The following ZNF618 variants were observed in gnomAD, a reference collection of about 807,000 sequenced individuals.
ZNF618 encodes zinc finger protein 618.
Under a neutral mutation model 103.0 loss-of-function variants are expected in ZNF618, and 34 were observed. The observed-to-expected ratio is 0.33, with a 90% CI of 0.25 to 0.44. ZNF618 has a LOEUF of 0.44. Ranked by LOEUF, ZNF618 falls within the 20% of genes least tolerant of loss-of-function variation. The pLI is 1.00. For missense variants in ZNF618, 1,059 were observed against 1,295.4 expected, an observed-to-expected ratio of 0.82 and a Z score of 2.80; for synonymous variants, 551 against 542.2, an observed-to-expected ratio of 1.02 and a Z score of -0.23.
intron 1 of ZNF618, among the ~76,000 whole-genome samples, chr9:113,938,770 A>T (rs990160878): frequency 6.6e-6 from 1 of 151,724 alleles, no homozygotes; most frequent in African/African-American, 2.4e-5. Flanking sequence ...GGGTTTCATC[A>T]TGTTGGCCAG....
chr9:113,909,332 C>T (rs577576760), intron 1 of ZNF618, among the ~76,000 whole-genome samples: 14 of 152,102 alleles, frequency 9.2e-5, no homozygotes, highest in African/African-American at 3.1e-4. Flanking sequence ...TCCCTGTCCC[C>T]CTGGGTCTGG....
At chr9:113,943,888 A>C (rs1418119268) in intron 1 of ZNF618, among the ~76,000 whole-genome samples, 1 of 152,066 alleles carries the variant, frequency 6.6e-6, no homozygotes, top group Non-Finnish European at 1.5e-5. Context: ...ACTTTGGAGA[A>C]CTTTGCTCTT....
intron 1 of ZNF618, among the ~76,000 whole-genome samples, chr9:113,939,391 T>A (rs1834345523): frequency 1.3e-5 from 2 of 152,160 alleles, no homozygotes; most frequent in South Asian, 4.1e-4. Context: ...TGCCATATTT[T>A]ATTTGCTAAC....
chr9:113,978,257 A>G (rs1429865793), intron 2 of ZNF618, among the ~76,000 whole-genome samples: 1 of 152,226 alleles, frequency 6.6e-6, no homozygotes, highest in Non-Finnish European at 1.5e-5. Context: ...TCATTTGCGG[A>G]CACTGTGGTT....
intron 1 of ZNF618, among the ~76,000 whole-genome samples, chr9:113,914,431 A>T (rs376197598): frequency 3.3e-5 from 5 of 152,172 alleles, no homozygotes; most frequent in African/African-American, 9.7e-5. Context: ...CAGAGCCACT[A>T]AGCACTGAAG....
At chr9:113,906,293 TG>T (rs1358058378) in intron 1 of ZNF618, among the ~76,000 whole-genome samples, 1 of 152,182 alleles carries the variant, frequency 6.6e-6, no homozygotes, top group African/African-American at 2.4e-5. Flanking sequence ...AATATGAAAC[TG>T]CTTTGAGCTC....
At chr9:113,914,397 G>C (rs920600504) in intron 1 of ZNF618, among the ~76,000 whole-genome samples, 1 of 152,126 alleles carries the variant, frequency 6.6e-6, no homozygotes, top group Admixed American at 6.5e-5. Context: ...CCTCACGTGC[G>C]CTTCTCTGTA....
intron 2 of ZNF618, 145 bp from the exon 3 acceptor site, chr9:113,988,176 G>C: frequency 1.9e-6 from 2 of 1,063,384 alleles, no homozygotes; most frequent in Non-Finnish European, 2.6e-6. Context: ...GGTAGCCGTG[G>C]GGGTTGTGTG....
At chr9:113,999,679 C>T (rs1441613201) in intron 4 of ZNF618, among the ~76,000 whole-genome samples, 1 of 152,218 alleles carries the variant, frequency 6.6e-6, no homozygotes, top group Non-Finnish European at 1.5e-5. Flanking sequence ...GACTTGGGCC[C>T]CCCACTGCAG....
chr9:113,944,636 C>T (rs1205981290), intron 1 of ZNF618, among the ~76,000 whole-genome samples: 6 of 152,022 alleles, frequency 3.9e-5, no homozygotes, highest in South Asian at 2.1e-4. Flanking sequence ...TCATGCAAGC[C>T]GCATGTGTAA....
intron 13 of ZNF618, among the ~76,000 whole-genome samples, chr9:114,045,201 A>T (rs1345157428): frequency 1.3e-5 from 2 of 151,950 alleles, no homozygotes; most frequent in Non-Finnish European, 2.9e-5. Flanking sequence ...GAAAGTTTTT[A>T]ATTTTGAAGT....
At chr9:113,980,341 G>A (rs779186861) in intron 2 of ZNF618, among the ~76,000 whole-genome samples, 5 of 152,048 alleles carry the variant, frequency 3.3e-5, no homozygotes, top group African/African-American at 9.7e-5. Flanking sequence ...CCAGATGGAG[G>A]TTTCAAGCAG....
At chr9:114,048,527 G>A in intron 14 of ZNF618, 124 bp from the exon 15 acceptor site, 1 of 1,026,496 alleles carries the variant, frequency 9.7e-7, no homozygotes, top group Non-Finnish European at 1.4e-6. Flanking sequence ...CACCACCCAT[G>A]TGTGTGCAAG....
chr9:113,959,643 C>T (rs1009962476), intron 1 of ZNF618, among the ~76,000 whole-genome samples: 6 of 152,132 alleles, frequency 3.9e-5, no homozygotes, highest in African/African-American at 1.2e-4. Context: ...GTTTTGCTCT[C>T]GTTGCCCAAG....
chr9:114,007,782 G>A (rs1377187989), intron 7 of ZNF618, among the ~76,000 whole-genome samples: 1 of 152,116 alleles, frequency 6.6e-6, no homozygotes, highest in Non-Finnish European at 1.5e-5. Context: ...AACGAATGAT[G>A]GCCTTTTAGC....
chr9:113,975,532 C>T (rs909814863), intron 2 of ZNF618, among the ~76,000 whole-genome samples: 2 of 152,142 alleles, frequency 1.3e-5, no homozygotes, highest in East Asian at 3.9e-4. Context: ...TATTCCTAAT[C>T]CAGAAATCCA....
At chr9:113,921,940 T>A (rs1832687850) in intron 1 of ZNF618, among the ~76,000 whole-genome samples, 1 of 152,152 alleles carries the variant, frequency 6.6e-6, no homozygotes, top group African/African-American at 2.4e-5. Context: ...ATGTTCGCTG[T>A]TGAACAGTTA....
chr9:113,982,545 T>C (rs10817543), intron 2 of ZNF618, among the ~76,000 whole-genome samples: 86,367 of 152,006 alleles, frequency 0.57, 24,834 homozygotes, highest in Middle Eastern at 0.77. Context: ...TTCACTTAAT[T>C]ACATCTGCAA....
At chr9:114,044,419 T>G (rs1845481695) in intron 13 of ZNF618, among the ~76,000 whole-genome samples, 1 of 152,234 alleles carries the variant, frequency 6.6e-6, no homozygotes, top group East Asian at 1.9e-4. Flanking sequence ...TTTATGCCAG[T>G]ACTATGCTAT....
Sources: allele counts gnomAD v4.1 joint callset (sites outside exome capture counted in the v4.1 genomes callset), GRCh38; gene constraint gnomAD v4.1.1; transcripts MANE v1.5; gene names NCBI Gene and HGNC (gene_info 2026-07-23, HGNC 2026-07-21).